The following FAXC variants were observed in gnomAD, a reference collection of about 807,000 sequenced individuals.
FAXC encodes failed axon connections homolog, metaxin like GST domain containing.
In FAXC, 10 loss-of-function variants were observed where a neutral mutation model predicts 41.9. That is an observed-to-expected ratio of 0.24 (90% CI 0.15 to 0.41). The LOEUF (loss-of-function observed/expected upper bound fraction) is 0.41. Among genes scored for constraint, FAXC ranks in the 10% least tolerant of loss-of-function variants. FAXC has a pLI of 1.00. For synonymous variants in FAXC, 183 were observed against 183.8 expected (o/e 1.00, Z 0.03); for missense variants, 399 against 510.9 (o/e 0.78, Z 2.11).
intron 4 of FAXC, among the ~76,000 whole-genome samples, chr6:99,316,158 C>T (rs1294224729): frequency 1.9e-5 from 1 of 51,658 alleles, no homozygotes; most frequent in Non-Finnish European, 5.6e-5. Context: ...AACCCACTCG[C>T]CCCCCCCCAC....
chr6:99,274,268 T>G lies in FAXC; in HGVS notation c.*6896A>C, dbSNP rs1391609419. Reference sequence around the variant, plus strand: ...TTACTTCACTTCCTGCACTGGCCACTTGTATATCCATAGACAATCCTTCCC... The same window carrying G: ...TTACTTCACTTCCTGCACTGGCCACGTGTATATCCATAGACAATCCTTCCC... On this transcript the variant is annotated 3_prime_UTR_variant, in exon 6 of 6. Coordinates refer to ENST00000389677, the MANE Select transcript of FAXC (RefSeq NM_032511.4). 1 of 152,182 alleles carries G rather than the reference T, an allele frequency of 6.6e-6. No individual in the cohort carries two copies. The allele number at this position is 152,182 out of a possible 1,614,324, so 9.4% of individuals were successfully genotyped here. A position where few individuals can be genotyped will look rare whatever the true frequency, so the allele number is the denominator to read the frequency against.
At position 99,272,144 on chromosome 6, in the gene FAXC, A is replaced by ATGTGTGTG. The variant is rs1174562628; in HGVS notation, c.*9019_*9020insCACACACA. 2.2e-4 allele frequency: 9 copies of ATGTGTGTG among 41,388 alleles called. No homozygotes were observed. The highest frequency in any genetic ancestry group is 3.6e-4 in the Non-Finnish European group (8 of 22,032). 2.6% of individuals were successfully genotyped at this position (41,388 alleles called of 1,614,324 possible). ...AGAGGTATGAAAACTAATTGAGACT[A>ATGTGTGTG]TATGTGTGTGTGTGTGTGTGTGTGT... On this transcript the variant is annotated 3_prime_UTR_variant, in exon 6 of 6. Coordinates refer to ENST00000389677, the MANE Select transcript of FAXC (RefSeq NM_032511.4).
At chr6:99,288,284 A>G (rs1771096132) in intron 5 of FAXC, among the ~76,000 whole-genome samples, 1 of 152,198 alleles carries the variant, frequency 6.6e-6, no homozygotes, top group Admixed American at 6.5e-5. Flanking sequence ...ATGTACACAC[A>G]TATGTGTGTA....
At chr6:99,322,269 C>T (rs2128459628) in intron 4 of FAXC, among the ~76,000 whole-genome samples, 1 of 152,180 alleles carries the variant, frequency 6.6e-6, no homozygotes, top group Non-Finnish European at 1.5e-5. Flanking sequence ...CTGGGATCTG[C>T]CCTCTGCAAG....
intron 4 of FAXC, among the ~76,000 whole-genome samples, chr6:99,297,554 G>A (rs1771544529): frequency 1.3e-5 from 2 of 152,068 alleles, no homozygotes; most frequent in South Asian, 4.1e-4. Flanking sequence ...AGTGGGGGAG[G>A]GGGTGCCATA....
chr6:99,340,269 T>G (rs1773374756), intron 2 of FAXC, among the ~76,000 whole-genome samples: 1 of 151,990 alleles, frequency 6.6e-6, no homozygotes, highest in South Asian at 2.1e-4. Context: ...CCCAGCTAAT[T>G]TTTGTATTTT....
intron 3 of FAXC, among the ~76,000 whole-genome samples, chr6:99,331,072 G>A (rs1773009790): frequency 1.3e-5 from 2 of 152,102 alleles, no homozygotes; most frequent in Admixed American, 1.3e-4. Context: ...CTGCTACTAG[G>A]GACTAAATAG....
At chr6:99,288,348 G>A (rs1230907398) in intron 5 of FAXC, among the ~76,000 whole-genome samples, 1 of 152,104 alleles carries the variant, frequency 6.6e-6, no homozygotes, top group Admixed American at 6.6e-5. Flanking sequence ...GTGAGTGTGT[G>A]GGGGGTTGTA....
chr6:99,310,328 G>C (rs374641905), intron 4 of FAXC, among the ~76,000 whole-genome samples: 15 of 152,170 alleles, frequency 9.9e-5, no homozygotes, highest in Non-Finnish European at 1.6e-4. Context: ...GCCCTCACGC[G>C]GCCCTTCCCT....
chr6:99,281,491 AG>A (rs1770834987), intron 5 of FAXC, 38 bp from the exon 6 acceptor site: 3 of 1,502,476 alleles, frequency 2.0e-6, no homozygotes, highest in Non-Finnish European at 2.8e-6. Flanking sequence ...TAGTTCTCAA[AG>A]GCAGCAGTCT....
At chr6:99,311,012 T>C (rs897968509) in intron 4 of FAXC, among the ~76,000 whole-genome samples, 2 of 152,184 alleles carry the variant, frequency 1.3e-5, no homozygotes, top group Non-Finnish European at 2.9e-5. Flanking sequence ...AAAAACAATT[T>C]TGCTACTGTC....
At chr6:99,302,882 C>CA (rs967669389) in intron 4 of FAXC, among the ~76,000 whole-genome samples, 329 of 131,240 alleles carry the variant, frequency 2.5e-3, no homozygotes, top group Admixed American at 6.9e-3. Context: ...TACTTCTGTA[C>CA]AAAAAAAAAA....
chr6:99,274,071 T>C lies in FAXC; in HGVS notation c.*7093A>G, dbSNP rs1026920658. The C allele has an allele frequency of 4.6e-5, 7 of 152,074 alleles. No individual in the cohort carries two copies. Among genetic ancestry groups the C allele is most frequent in the Non-Finnish European group, 1.0e-4 (7 of 68,020 alleles). 9.4% of individuals were successfully genotyped at this position (152,074 alleles called of 1,614,324 possible). On this transcript the variant is annotated 3_prime_UTR_variant, in exon 6 of 6. Coordinates refer to ENST00000389677, the MANE Select transcript of FAXC (RefSeq NM_032511.4). ...ATTACTTTGTACAATTTTATATTTA[T>C]AAAATGAAAAATATATGCCACAAAC... is the stretch of plus-strand genomic sequence containing the variant.
chr6:99,339,801 G>A (rs1773351961), intron 2 of FAXC, among the ~76,000 whole-genome samples: 1 of 152,028 alleles, frequency 6.6e-6, no homozygotes, highest in Non-Finnish European at 1.5e-5. Context: ...CAAGTAGAGA[G>A]TAGAGAGACA....
At chr6:99,321,819 G>C (rs1562173866) in intron 4 of FAXC, among the ~76,000 whole-genome samples, 1 of 152,178 alleles carries the variant, frequency 6.6e-6, no homozygotes, top group Non-Finnish European at 1.5e-5. Flanking sequence ...TGTCCCGAAA[G>C]GTGAAGGTCG....
chr6:99,305,482 C>T (rs910182901), intron 4 of FAXC, among the ~76,000 whole-genome samples: 11 of 152,094 alleles, frequency 7.2e-5, no homozygotes, highest in African/African-American at 2.4e-4. Context: ...TAAGCTAATT[C>T]ACTACAATGT....
chr6:99,326,825 T>G (rs1189666643), intron 3 of FAXC, among the ~76,000 whole-genome samples: 1 of 152,202 alleles, frequency 6.6e-6, no homozygotes, highest in Non-Finnish European at 1.5e-5. Flanking sequence ...TCCTGCCTGA[T>G]GACTTCAGCT....
chr6:99,309,337 G>C (rs1438004753), intron 4 of FAXC, among the ~76,000 whole-genome samples: 1 of 152,078 alleles, frequency 6.6e-6, no homozygotes, highest in African/African-American at 2.4e-5. Context: ...CAGAAATAGA[G>C]ACCAGATAGA....
intron 4 of FAXC, among the ~76,000 whole-genome samples, chr6:99,304,060 C>T (rs1399114900): frequency 6.6e-6 from 1 of 152,060 alleles, no homozygotes; most frequent in Non-Finnish European, 1.5e-5. Flanking sequence ...GCGGGTGGAT[C>T]ACCACCTGAA....
Sources: gnomAD v4.1 joint callset for allele counts (sites outside exome capture counted in the v4.1 genomes callset) on GRCh38, gnomAD v4.1.1 for gene constraint, MANE v1.5 for transcripts, NCBI Gene and HGNC (gene_info 2026-07-23, HGNC 2026-07-21) for gene names.